RHEX: variants seen among roughly 807,000 people sequenced by gnomAD.
RHEX encodes regulator of hemoglobinization and erythroid cell expansion.
In RHEX, 18 loss-of-function variants were observed where a neutral mutation model predicts 20.1. The ratio of observed to expected loss-of-function variants is 0.90; its 90% CI spans 0.62 to 1.33. The LOEUF is 1.33. Ranked by LOEUF, RHEX falls within the 40% of genes most tolerant of loss-of-function variation. RHEX has a pLI of 0.00. For synonymous variants in RHEX, 87 were observed against 77.1 expected (o/e 1.13, Z -0.67); for missense variants, 192 against 214.3 (o/e 0.90, Z 0.65).
chr1:206,089,465 G>C (rs1228107040), intron 1 of RHEX, among the ~76,000 whole-genome samples: 2 of 152,112 alleles, frequency 1.3e-5, no homozygotes, highest in African/African-American at 2.4e-5. Context: ...ATTTTAAACG[G>C]CCATATGGTC....
rs1558181801 is a variant in RHEX, at chr1:206,102,286, T to C, written c.*334T>C. On this transcript the variant is annotated 3_prime_UTR_variant, in exon 6 of 6. Coordinates refer to ENST00000331555, the MANE Select transcript of RHEX (RefSeq NM_001007544.4). ...GAACTATGGAGTCCATCAGCAGAGA[T>C]AGTAGTGAAGTCTCTCCCCAGGGAA... is the stretch of plus-strand genomic sequence containing the variant. The C allele has an allele frequency of 2.4e-5, 7 of 287,750 alleles. No homozygotes were observed. The highest frequency in any genetic ancestry group is 4.3e-5 in the African/African-American group (2 of 46,518). The allele number at this position is 287,750 out of a possible 1,614,324, so 17.8% of individuals were successfully genotyped here.
rs782505513 is a variant in RHEX, at chr1:206,101,120, T to C, written c.257-16T>C. On this transcript the variant is annotated splice_polypyrimidine_tract_variant and intron_variant, in intron 4 of 5. Coordinates refer to ENST00000331555, the MANE Select transcript of RHEX (RefSeq NM_001007544.4). ...TGGCTTGCTTTGGAAGAGGAACCGTTTCTATTTCTCCCCAGATGACAGCGA... is the reference window on the plus strand; with the variant it reads ...TGGCTTGCTTTGGAAGAGGAACCGTCTCTATTTCTCCCCAGATGACAGCGA... 6.2e-7 allele frequency: 1 copy of C among 1,608,506 alleles called. No individual in the cohort carries two copies. Among genetic ancestry groups the C allele is most frequent in the Admixed American group, 1.7e-5 (1 of 58,846 alleles).
At chr1:206,066,156 T>C (rs1662418356) in intron 1 of RHEX, among the ~76,000 whole-genome samples, 1 of 152,238 alleles carries the variant, frequency 6.6e-6, no homozygotes, top group Non-Finnish European at 1.5e-5. Context: ...AGAGCCCTGG[T>C]CTTTAGAGGC....
chr1:206,084,220 T>A (rs1217414515), intron 1 of RHEX, among the ~76,000 whole-genome samples: 1 of 152,090 alleles, frequency 6.6e-6, no homozygotes, highest in African/African-American at 2.4e-5. Flanking sequence ...GCCTGGGAGT[T>A]TTAAAATTTT....
chr1:206,088,860 G>A (rs368922063), intron 1 of RHEX, among the ~76,000 whole-genome samples: 4 of 151,098 alleles, frequency 2.6e-5, no homozygotes, highest in African/African-American at 7.3e-5. Context: ...TCACGTTGTC[G>A]CCCAGGCTGG....
chr1:206,082,895 C>T (rs1361192741), intron 1 of RHEX, among the ~76,000 whole-genome samples: 11 of 152,326 alleles, frequency 7.2e-5, no homozygotes, highest in African/African-American at 2.6e-4. Context: ...TCCTCCCATT[C>T]TTCTTTCCTC....
intron 1 of RHEX, among the ~76,000 whole-genome samples, chr1:206,072,695 T>C (rs528262258): frequency 3.9e-5 from 6 of 152,306 alleles, no homozygotes; most frequent in Non-Finnish European, 7.4e-5. Context: ...AATTCCAGCA[T>C]GTCCCCTGAA....
At chr1:206,079,491 C>G (rs1270842348) in intron 1 of RHEX, among the ~76,000 whole-genome samples, 1 of 152,032 alleles carries the variant, frequency 6.6e-6, no homozygotes, top group East Asian at 1.9e-4. Context: ...ATAGTAAAAC[C>G]CTGGGAATGA....
At chr1:206,095,544 C>A (rs140983615) in intron 1 of RHEX, among the ~76,000 whole-genome samples, 3 of 152,016 alleles carry the variant, frequency 2.0e-5, no homozygotes, top group African/African-American at 7.3e-5. Context: ...TGGCTGGGCG[C>A]GGTGGCTCAC....
chr1:206,101,909 C>G lies in RHEX; in HGVS notation c.476C>G (p.Pro159Arg). 2 of 1,614,116 alleles carry G rather than the reference C, an allele frequency of 1.2e-6. No homozygotes were observed. The highest frequency in any genetic ancestry group is 1.7e-6 in the Non-Finnish European group (2 of 1,179,992). The stretch of plus-strand genomic sequence containing the variant: ...CCCAGTTTCTGGTATTTTGTCAACC[C>G]TGCTCTGTCTGAGCCAGCGGAATAT... ...HKPSFWYFVN[P>R]ALSEPAEYDQ... Residue 159 changes from proline (P) to arginine (R), a missense_variant, in exon 6 of 6, where the codon CCT (proline) becomes CGT (arginine). By Grantham distance (103) the Pro-to-Arg change is moderately radical. Coordinates refer to ENST00000331555, the MANE Select transcript of RHEX (RefSeq NM_001007544.4).
chr1:206,063,849 G>A (rs1343161028), intron 1 of RHEX, among the ~76,000 whole-genome samples: 14 of 151,420 alleles, frequency 9.2e-5, no homozygotes, highest in South Asian at 4.2e-4. Context: ...CTGCCTGGCC[G>A]CCCATCGTCT....
intron 3 of RHEX, among the ~76,000 whole-genome samples, chr1:206,099,409 C>T (rs1380581492): frequency 6.6e-6 from 1 of 151,906 alleles, no homozygotes; most frequent in East Asian, 1.9e-4. Flanking sequence ...ACCTCTGCCT[C>T]CCAGGTTCAA....
At chr1:206,056,681 G>A (rs1399732640) in intron 1 of RHEX, among the ~76,000 whole-genome samples, 3 of 152,208 alleles carry the variant, frequency 2.0e-5, no homozygotes, top group African/African-American at 7.2e-5. Flanking sequence ...CACAAGAAAG[G>A]TAATAGCTAG....
At chr1:206,069,796 C>T (rs1053124322) in intron 1 of RHEX, among the ~76,000 whole-genome samples, 6 of 152,130 alleles carry the variant, frequency 3.9e-5, no homozygotes, top group African/African-American at 1.4e-4. Flanking sequence ...CTACAACTTT[C>T]GAGGGCTGGT....
At chr1:206,055,913 T>C (rs1233611275) in intron 1 of RHEX, among the ~76,000 whole-genome samples, 1 of 152,296 alleles carries the variant, frequency 6.6e-6, no homozygotes, top group Non-Finnish European at 1.5e-5. Flanking sequence ...CCAAAGTCCC[T>C]GGTAGCAATA....
intron 1 of RHEX, among the ~76,000 whole-genome samples, chr1:206,087,675 T>G (rs1245778020): frequency 6.6e-6 from 1 of 152,238 alleles, no homozygotes; most frequent in Non-Finnish European, 1.5e-5. Context: ...CATCTCAATG[T>G]TCTATTAACA....
chr1:206,066,656 G>C (rs1391080423), intron 1 of RHEX, among the ~76,000 whole-genome samples: 1 of 152,198 alleles, frequency 6.6e-6, no homozygotes, highest in African/African-American at 2.4e-5. Flanking sequence ...GGGAAGTGGA[G>C]CCTCTGGCTG....
chr1:206,065,110 G>T (rs59119364), intron 1 of RHEX, among the ~76,000 whole-genome samples: 1 of 151,652 alleles, frequency 6.6e-6, no homozygotes, highest in African/African-American at 2.4e-5. Context: ...CCACTCCCCA[G>T]TCTCAAGTAC....
intron 1 of RHEX, among the ~76,000 whole-genome samples, chr1:206,072,526 A>T (rs1662555478): frequency 6.6e-6 from 1 of 152,122 alleles, no homozygotes; most frequent in South Asian, 2.1e-4. Context: ...CAGTGAGCCG[A>T]GATCGTGCCA....
Sources: gnomAD v4.1 joint callset for allele counts (sites outside exome capture counted in the v4.1 genomes callset) on GRCh38, gnomAD v4.1.1 for gene constraint, MANE v1.5 for transcripts, NCBI Gene and HGNC (gene_info 2026-07-23, HGNC 2026-07-21) for gene names.